GPC5: variants seen among roughly 807,000 people sequenced by gnomAD.
The protein encoded by GPC5 is glypican 5, also known as glypican-5.
GPC5 carries 47 observed loss-of-function variants against 53.9 expected under a neutral mutation model. The ratio of observed to expected loss-of-function variants is 0.87; its 90% CI spans 0.69 to 1.11. The LOEUF is 1.11. Among genes scored for constraint, GPC5 ranks in the 50% most tolerant of loss-of-function variants. GPC5 has a pLI of 0.00. For synonymous variants in GPC5, 286 were observed against 263.3 expected (o/e 1.09, Z -0.84); for missense variants, 748 against 713.1 (o/e 1.05, Z -0.56).
intron 7 of GPC5, among the ~76,000 whole-genome samples, chr13:92,557,250 A>G (rs973512745): frequency 2.6e-5 from 4 of 151,810 alleles, no homozygotes; most frequent in African/African-American, 7.3e-5. Context: ...TAGCATCAAC[A>G]TTTTTGCACA....
chr13:91,872,449 A>G (rs557940552), intron 5 of GPC5, among the ~76,000 whole-genome samples: 1 of 152,214 alleles, frequency 6.6e-6, no homozygotes, highest in Non-Finnish European at 1.5e-5. Flanking sequence ...AAATTAGCAC[A>G]AAAAGGAAAC....
chr13:92,765,179 T>C (rs1875346695), intron 7 of GPC5, among the ~76,000 whole-genome samples: 2 of 152,296 alleles, frequency 1.3e-5, no homozygotes, highest in Non-Finnish European at 1.5e-5. Context: ...AGCTGCCACG[T>C]AGAACTCACT....
intron 5 of GPC5, among the ~76,000 whole-genome samples, chr13:91,826,683 G>A (rs897663979): frequency 3.3e-5 from 5 of 151,986 alleles, no homozygotes; most frequent in African/African-American, 9.7e-5. Flanking sequence ...GAACTGACAC[G>A]AGAATTGACA....
chr13:92,327,472 A>C (rs1017080415), intron 7 of GPC5, among the ~76,000 whole-genome samples: 5 of 152,166 alleles, frequency 3.3e-5, no homozygotes, highest in Admixed American at 6.6e-5. Flanking sequence ...GATAATCAGT[A>C]CTCAACCTAT....
chr13:92,000,654 G>A (rs1265813360), intron 6 of GPC5, among the ~76,000 whole-genome samples: 1 of 152,060 alleles, frequency 6.6e-6, no homozygotes, highest in Non-Finnish European at 1.5e-5. Context: ...GTGCCCTGCT[G>A]GATGGCCAGA....
intron 3 of GPC5, among the ~76,000 whole-genome samples, chr13:91,711,455 G>A (rs753184041): frequency 1.3e-5 from 2 of 152,014 alleles, no homozygotes; most frequent in African/African-American, 2.4e-5. Context: ...GGCCTGTCAG[G>A]GGGTGGGGGA....
intron 5 of GPC5, among the ~76,000 whole-genome samples, chr13:91,882,497 G>A (rs1349219516): frequency 6.6e-6 from 1 of 151,680 alleles, no homozygotes; most frequent in African/African-American, 2.4e-5. Flanking sequence ...TACTTTATGT[G>A]AAATCAATGA....
At chr13:91,441,384 G>A (rs550032469) in intron 1 of GPC5, among the ~76,000 whole-genome samples, 45 of 152,286 alleles carry the variant, frequency 3.0e-4, no homozygotes, top group African/African-American at 1.1e-3. Flanking sequence ...AAGTAGAATG[G>A]TTTGGCATGC....
chr13:92,398,424 G>A (rs1300627512), intron 7 of GPC5, among the ~76,000 whole-genome samples: 2 of 57,356 alleles, frequency 3.5e-5, no homozygotes, highest in Non-Finnish European at 2.8e-5. Context: ...GCGAGACTCC[G>A]TCTCAAAAAA....
chr13:92,772,904 T>G (rs1271744205), intron 7 of GPC5, among the ~76,000 whole-genome samples: 1 of 152,130 alleles, frequency 6.6e-6, no homozygotes, highest in African/African-American at 2.4e-5. Context: ...AATATTTTAT[T>G]TATTATTATT....
rs1181362469 is a variant in GPC5 at position 91,721,137 on chromosome 13, C to CTTTG, written c.1021-7392_1021-7391insGTTT. On this transcript the variant is annotated intron_variant, in intron 3 of 7. Coordinates refer to ENST00000377067, the MANE Select transcript of GPC5 (RefSeq NM_004466.6). ...TCTTTCTTTCTTTCTTTCTTTCTTT[C>CTTTG]TTTTTTTGGGTGGGGGGACTGAGTT... Among the ~76,000 whole-genome samples the CTTTG allele has an allele frequency of 8.7e-4, 80 of 92,132 alleles. 1 individual carries two copies. Among genetic ancestry groups the CTTTG allele is most frequent in the African/African-American group, 3.2e-3 (74 of 23,096 alleles). 60.4% of individuals were successfully genotyped at this position (92,132 alleles called of 152,430 possible). A position where few individuals can be genotyped will look rare whatever the true frequency, so the allele number is the denominator to read the frequency against.
At chr13:91,937,438 G>T (rs934103526) in intron 6 of GPC5, among the ~76,000 whole-genome samples, 1 of 152,034 alleles carries the variant, frequency 6.6e-6, no homozygotes, top group Non-Finnish European at 1.5e-5. Flanking sequence ...AATTGGGCCA[G>T]CAAGTTACCA....
intron 7 of GPC5, among the ~76,000 whole-genome samples, chr13:92,302,716 G>A (rs900597262): frequency 1.3e-5 from 2 of 152,180 alleles, no homozygotes; most frequent in African/African-American, 2.4e-5. Context: ...AATTTATGCT[G>A]TGTAACATCA....
At chr13:91,407,928 C>T (rs1566369078) in intron 1 of GPC5, among the ~76,000 whole-genome samples, 1 of 152,052 alleles carries the variant, frequency 6.6e-6, no homozygotes, top group Non-Finnish European at 1.5e-5. Flanking sequence ...TTTAAATCGA[C>T]AGATAAAATT....
At chr13:91,494,391 A>G (rs1224659177) in intron 2 of GPC5, among the ~76,000 whole-genome samples, 1 of 151,424 alleles carries the variant, frequency 6.6e-6, no homozygotes, top group Admixed American at 6.6e-5. Flanking sequence ...CTATCAGCAT[A>G]CTAATAAGCT....
At chr13:92,344,960 T>C (rs978583168) in intron 7 of GPC5, among the ~76,000 whole-genome samples, 8 of 152,158 alleles carry the variant, frequency 5.3e-5, no homozygotes, top group African/African-American at 1.9e-4. Context: ...AGAATATCAT[T>C]GATTTCAAAA....
chr13:92,319,630 T>C (rs2043203034), intron 7 of GPC5, among the ~76,000 whole-genome samples: 1 of 152,128 alleles, frequency 6.6e-6, no homozygotes, highest in Non-Finnish European at 1.5e-5. Context: ...ATTTTATGAT[T>C]ACTCTAGTGA....
chr13:92,380,973 T>G (rs982643348), intron 7 of GPC5, among the ~76,000 whole-genome samples: 2 of 152,142 alleles, frequency 1.3e-5, no homozygotes, highest in African/African-American at 4.8e-5. Flanking sequence ...TTTTGAGACT[T>G]TATCCCCTTT....
In GPC5 at chr13:92,592,647, G is replaced by T. The variant is rs1035925156; in HGVS notation, c.1562-273635G>T. Among the ~76,000 whole-genome samples the T allele has an allele frequency of 4.0e-5, 6 of 151,496 alleles. No homozygotes were observed. In the South Asian group the frequency reaches 1.2e-3, roughly 32 times the overall value. ...AAGGGACTGAAAACAAGGTAGATTTGCTGATAGGAAAGTAAAGTACCAGTT... is the reference window on the plus strand; with the variant it reads ...AAGGGACTGAAAACAAGGTAGATTTTCTGATAGGAAAGTAAAGTACCAGTT... On this transcript the variant is annotated intron_variant, in intron 7 of 7. Transcript: ENST00000377067.
Sources: allele counts gnomAD v4.1 joint callset (sites outside exome capture counted in the v4.1 genomes callset), GRCh38; gene constraint gnomAD v4.1.1; transcripts MANE v1.5; gene names NCBI Gene and HGNC (gene_info 2026-07-23, HGNC 2026-07-21).